Variants in ANXA8 observed in about 807,000 individuals in gnomAD.
The protein encoded by ANXA8 is VAC-beta.
A neutral mutation model predicts 26.8 loss-of-function variants in ANXA8; 9 were observed. The observed-to-expected ratio is 0.34, with a 90% CI of 0.20 to 0.59. The LOEUF is 0.59. Among genes scored for constraint, ANXA8 ranks in the 20% least tolerant of loss-of-function variants. The pLI is 0.84. For missense variants in ANXA8, 83 were observed against 238.5 expected (o/e 0.35, Z 4.29); for synonymous variants, 39 against 94.8 (o/e 0.41, Z 3.42).
At chr10:47,980,744 AGACAG>A in the ANXA8 span, among the ~76,000 whole-genome samples, 1 of 149,890 alleles carries the variant, frequency 6.7e-6, no homozygotes, top group Non-Finnish European at 1.5e-5. Flanking sequence ...ATTCCTAGAA[AGACAG>A]GAACTACAAA....
chr10:47,577,217 T>C, the ANXA8 span, among the ~76,000 whole-genome samples: 1 of 90,140 alleles, frequency 1.1e-5, no homozygotes. Context: ...AGAGCAAGAC[T>C]CCATCTCAAA....
upstream of ANXA8, among the ~76,000 whole-genome samples, chr10:47,484,970 G>A (rs1429655433): frequency 4.7e-5 from 7 of 148,598 alleles, no homozygotes; most frequent in South Asian, 1.5e-3. Flanking sequence ...GGATCCACCC[G>A]CTCATCCTGG....
the ANXA8 span, among the ~76,000 whole-genome samples, chr10:47,777,859 A>G: frequency 4.0e-5 from 6 of 151,474 alleles, no homozygotes; most frequent in Admixed American, 6.6e-5. Flanking sequence ...GGCTCAGGAA[A>G]TCCTCCCACT....
chr10:47,639,317 T>TA, the ANXA8 span, among the ~76,000 whole-genome samples: 1 of 76,252 alleles, frequency 1.3e-5, no homozygotes. Context: ...TATTATTATT[T>TA]TTTTTTTTTT....
At chr10:47,639,457 C>A in the ANXA8 span, among the ~76,000 whole-genome samples, 1 of 152,282 alleles carries the variant, frequency 6.6e-6, no homozygotes, top group African/African-American at 2.4e-5. Flanking sequence ...GGACTATAGG[C>A]GCCCGCCACC....
the ANXA8 span, among the ~76,000 whole-genome samples, chr10:47,769,337 T>G: frequency 6.6e-6 from 1 of 150,452 alleles, no homozygotes; most frequent in Non-Finnish European, 1.5e-5. Flanking sequence ...CTCAGAAGTC[T>G]GCTACGGGCA....
the ANXA8 span, among the ~76,000 whole-genome samples, chr10:47,977,347 T>A: frequency 6.6e-6 from 1 of 150,986 alleles, no homozygotes; most frequent in Non-Finnish European, 1.5e-5. Flanking sequence ...GAGGTCTGAT[T>A]TTTGGAGATG....
the ANXA8 span, chr10:47,690,109 G>T: frequency 9.8e-4 from 1,111 of 1,135,048 alleles, 1 homozygote; most frequent in South Asian, 1.6e-3. Context: ...TTTAACCGAA[G>T]AAGAAAAGTA....
At chr10:47,951,408 G>A in the ANXA8 span, among the ~76,000 whole-genome samples, 3 of 150,302 alleles carry the variant, frequency 2.0e-5, no homozygotes, top group Non-Finnish European at 4.4e-5. Context: ...AGAAAGTAAA[G>A]GAGGAGGAAA....
At chr10:47,702,057 C>T in the ANXA8 span, among the ~76,000 whole-genome samples, 1 of 149,096 alleles carries the variant, frequency 6.7e-6, no homozygotes, top group Non-Finnish European at 1.5e-5. Flanking sequence ...CAAATGAGTA[C>T]ATAGATTGTA....
At chr10:47,510,982 A>C in the ANXA8 span, among the ~76,000 whole-genome samples, 77 of 124,638 alleles carry the variant, frequency 6.2e-4, no homozygotes, top group African/African-American at 1.1e-3. Flanking sequence ...CTCGCTCTGT[A>C]GCCCAGGCTG....
the ANXA8 span, among the ~76,000 whole-genome samples, chr10:47,733,152 T>C: frequency 2.9e-5 from 2 of 69,450 alleles, no homozygotes; most frequent in African/African-American, 5.6e-5. Flanking sequence ...AATCTTTCTT[T>C]CTTTCTTTCT....
chr10:47,528,044 G>A, the ANXA8 span, among the ~76,000 whole-genome samples: 19,414 of 126,912 alleles, frequency 0.15, 4,119 homozygotes, highest in African/African-American at 0.47. Flanking sequence ...GGAAAGGTTT[G>A]GGAAAAGATC....
At chr10:47,486,174 G>T (rs1168362576), upstream of ANXA8, among the ~76,000 whole-genome samples, 1 of 151,592 alleles carries the variant, frequency 6.6e-6, no homozygotes, top group Non-Finnish European at 1.5e-5. Context: ...TCCTTGACCA[G>T]ATTCTGTAAC....
At chr10:47,720,964 T>C in the ANXA8 span, among the ~76,000 whole-genome samples, 7 of 127,404 alleles carry the variant, frequency 5.5e-5, 1 homozygote, top group Non-Finnish European at 1.0e-4. Context: ...CTGGGAAACA[T>C]AGGGAAACCC....
chr10:47,895,127 G>A, the ANXA8 span, among the ~76,000 whole-genome samples: 1 of 151,498 alleles, frequency 6.6e-6, no homozygotes. Flanking sequence ...ACTTAATTTG[G>A]CATAGTCAGC....
chr10:47,686,611 T>G, the ANXA8 span, among the ~76,000 whole-genome samples: 2 of 151,994 alleles, frequency 1.3e-5, no homozygotes, highest in Non-Finnish European at 2.9e-5. Flanking sequence ...CCTAGCATAA[T>G]GCCCAGCACG....
At chr10:47,763,865 G>C in the ANXA8 span, among the ~76,000 whole-genome samples, 2 of 151,550 alleles carry the variant, frequency 1.3e-5, no homozygotes, top group Non-Finnish European at 2.9e-5. Flanking sequence ...AGCCTTGAAG[G>C]TTATGTCCAG....
At chr10:47,918,383 GAGAA>G in the ANXA8 span, among the ~76,000 whole-genome samples, 247 of 10,500 alleles carry the variant, frequency 0.024, 69 homozygotes, top group East Asian at 0.067. Context: ...GAGAGAGAGA[GAGAA>G]AGAAAGAAAG....
Sources: allele counts gnomAD v4.1 joint callset (sites outside exome capture counted in the v4.1 genomes callset), GRCh38; gene constraint gnomAD v4.1.1; transcripts MANE v1.5; gene names NCBI Gene and HGNC (gene_info 2026-07-23, HGNC 2026-07-21).